ERI1: variants seen among roughly 807,000 people sequenced by gnomAD.
The protein encoded by ERI1 is 3'-5' exoribonuclease 1.
A neutral mutation model predicts 39.7 loss-of-function variants in ERI1; 39 were observed. The observed-to-expected ratio is 0.98, with a 90% CI of 0.76 to 1.28. The LOEUF is 1.28. Among genes scored for constraint, ERI1 ranks in the 50% most tolerant of loss-of-function variants. The pLI is 0.00. For missense variants in ERI1, 581 were observed against 416.9 expected (o/e 1.39, Z -3.43); for synonymous variants, 204 against 149.6 (o/e 1.36, Z -2.65).
intron 2 of ERI1, 95 bp downstream of exon 2, chr8:9,008,243 T>C: frequency 4.6e-6 from 5 of 1,084,148 alleles, no homozygotes; most frequent in Non-Finnish European, 6.4e-6. Flanking sequence ...TCTGTAATCC[T>C]ACCGTAATGA....
At chr8:9,012,252 A>T (rs937864302) in intron 3 of ERI1, among the ~76,000 whole-genome samples, 1 of 152,206 alleles carries the variant, frequency 6.6e-6, no homozygotes, top group African/African-American at 2.4e-5. Flanking sequence ...CTCTGGTGGA[A>T]AGTTTAAGGG....
chr8:9,064,159 C>T (rs531494939), intron 3 of ERI1, among the ~76,000 whole-genome samples: 33 of 147,228 alleles, frequency 2.2e-4, no homozygotes, highest in Admixed American at 7.5e-4. Flanking sequence ...GATAAGAGAT[C>T]GGGGCATGGA....
chr8:9,018,848 TGA>T (rs1817586162), intron 5 of ERI1, among the ~76,000 whole-genome samples: 1 of 152,214 alleles, frequency 6.6e-6, no homozygotes, highest in Non-Finnish European at 1.5e-5. Context: ...CCCTCTGTAC[TGA>T]GAGTGTCTTC....
intron 3 of ERI1, among the ~76,000 whole-genome samples, chr8:9,063,466 T>C (rs1751005824): frequency 6.6e-6 from 1 of 151,764 alleles, no homozygotes; most frequent in Non-Finnish European, 1.5e-5. Flanking sequence ...GATAAAAGGA[T>C]TATAGGGTGG....
At chr8:9,038,190 A>G (rs566928689), downstream of ERI1, among the ~76,000 whole-genome samples, 1 of 152,324 alleles carries the variant, frequency 6.6e-6, no homozygotes, top group African/African-American at 2.4e-5. Flanking sequence ...AAAGGCTTTT[A>G]AAATTCCTCT....
chr8:9,047,142 G>C (rs1006905293), intron 3 of ERI1, among the ~76,000 whole-genome samples: 10 of 152,148 alleles, frequency 6.6e-5, no homozygotes, highest in African/African-American at 2.4e-4. Flanking sequence ...CCATCTTCCT[G>C]CACAGGGCAC....
chr8:9,068,360 A>G (rs1350649378), intron 3 of ERI1, among the ~76,000 whole-genome samples: 2 of 152,278 alleles, frequency 1.3e-5, no homozygotes, highest in East Asian at 3.9e-4. Flanking sequence ...TTTTGGAGAC[A>G]GAGTCTCATT....
chr8:9,003,799 T>C (rs1025781673), intron 1 of ERI1, among the ~76,000 whole-genome samples: 1 of 152,234 alleles, frequency 6.6e-6, no homozygotes, highest in African/African-American at 2.4e-5. Context: ...CGCTGCGGAT[T>C]GTAAGTGATT....
At chr8:9,096,334 G>A (rs927889132) in intron 3 of ERI1, among the ~76,000 whole-genome samples, 1 of 152,188 alleles carries the variant, frequency 6.6e-6, no homozygotes, top group Non-Finnish European at 1.5e-5. Flanking sequence ...GGATCTTGGA[G>A]GCTGGGGAAG....
At chr8:9,056,397 G>A (rs185272174) in intron 3 of ERI1, among the ~76,000 whole-genome samples, 5 of 152,330 alleles carry the variant, frequency 3.3e-5, no homozygotes, top group Admixed American at 3.3e-4. Flanking sequence ...AACTATTAGT[G>A]AGTCCCTAAA....
At chr8:9,064,761 G>A (rs55824072) in intron 3 of ERI1, among the ~76,000 whole-genome samples, 34,348 of 152,014 alleles carry the variant, frequency 0.23, 4,357 homozygotes, top group Non-Finnish European at 0.3. Context: ...TCTCCCAAGG[G>A]AGGTCCCTTG....
At chr8:9,055,003 TAAAAG>T (rs1798461557) in intron 3 of ERI1, among the ~76,000 whole-genome samples, 1 of 152,170 alleles carries the variant, frequency 6.6e-6, no homozygotes, top group Admixed American at 6.5e-5. Context: ...TATGAACTGT[TAAAAG>T]AAAAACTTCA....
chr8:9,070,169 G>T (rs1170284461), intron 3 of ERI1, among the ~76,000 whole-genome samples: 1 of 151,934 alleles, frequency 6.6e-6, no homozygotes, highest in East Asian at 1.9e-4. Context: ...AACCTGGGAG[G>T]CAGAGGTTGC....
intron 3 of ERI1, among the ~76,000 whole-genome samples, chr8:9,075,576 A>G (rs949932283): frequency 1.3e-5 from 2 of 151,832 alleles, no homozygotes; most frequent in African/African-American, 2.4e-5. Context: ...GTGGAAATCT[A>G]TTAGCCATGC....
At chr8:9,029,536 C>T (rs187795152) in intron 6 of ERI1, among the ~76,000 whole-genome samples, 8 of 151,970 alleles carry the variant, frequency 5.3e-5, no homozygotes, top group Admixed American at 3.3e-4. Flanking sequence ...TCACCATGTT[C>T]GCCAGGCTGG....
At chr8:9,076,798 G>A (rs552592846) in intron 3 of ERI1, among the ~76,000 whole-genome samples, 8 of 152,360 alleles carry the variant, frequency 5.3e-5, no homozygotes, top group African/African-American at 1.9e-4. Flanking sequence ...TTAGGGGGAA[G>A]CGGGGATGTG....
At chr8:9,041,091 G>A (rs1297221846) in intron 3 of ERI1, among the ~76,000 whole-genome samples, 4 of 152,168 alleles carry the variant, frequency 2.6e-5, no homozygotes, top group African/African-American at 4.8e-5. Context: ...ACTTCTGCTC[G>A]CCTGCCTAAA....
chr8:9,019,015 C>G (rs546365245), intron 5 of ERI1, among the ~76,000 whole-genome samples: 1 of 152,256 alleles, frequency 6.6e-6, no homozygotes, highest in African/African-American at 2.4e-5. Flanking sequence ...TGTGTACATA[C>G]ATAAGACTTA....
In ERI1 at chr8:9,071,074, T is replaced by C. The variant is rs563956039; in HGVS notation, n.300-45274T>C. Among the ~76,000 whole-genome samples the C allele has an allele frequency of 1.2e-4, 18 of 152,344 alleles. No individual in the cohort carries two copies. In the East Asian group the frequency reaches 1.5e-3, roughly 13 times the overall value. On this transcript the variant is annotated intron_variant and non_coding_transcript_variant, in intron 3 of 3. Coordinates refer to the ERI1 transcript ENST00000518663. ...TGATTTCCAGTTTCCCAAAGCAACA[T>C]ATCTTTCTTGGCCTGTTTGGAAAGA...
Sources: allele counts gnomAD v4.1 joint callset (sites outside exome capture counted in the v4.1 genomes callset), GRCh38; gene constraint gnomAD v4.1.1; transcripts MANE v1.5; gene names NCBI Gene and HGNC (gene_info 2026-07-23, HGNC 2026-07-21).